Variants in DPYSL3 observed in about 807,000 individuals in gnomAD.
The protein encoded by DPYSL3 is dihydropyrimidinase like 3, also known as dihydropyrimidinase-related protein 3.
Under a neutral mutation model 66.1 loss-of-function variants are expected in DPYSL3, and 16 were observed. That is an observed-to-expected ratio of 0.24 (90% CI 0.16 to 0.37). DPYSL3 has a LOEUF of 0.37. Among genes scored for constraint, DPYSL3 ranks in the 10% least tolerant of loss-of-function variants. The probability of loss-of-function intolerance (pLI) is 1.00; values close to 1 mark genes in which losing one functional copy is unlikely to be tolerated. For synonymous variants in DPYSL3, 338 were observed against 345.1 expected (o/e 0.98, Z 0.23); for missense variants, 738 against 916.2 (o/e 0.81, Z 2.51).
intron 1 of DPYSL3, among the ~76,000 whole-genome samples, chr5:147,452,427 C>A (rs1357375787): frequency 6.6e-6 from 1 of 150,888 alleles, no homozygotes. Context: ...AGTAGCCACC[C>A]ATTCCCCCAC....
intron 1 of DPYSL3, among the ~76,000 whole-genome samples, chr5:147,483,494 A>G (rs1011882911): frequency 6.6e-6 from 1 of 152,198 alleles, no homozygotes; most frequent in Non-Finnish European, 1.5e-5. Context: ...GGGTCTGTAT[A>G]TGCCAGGCAC....
chr5:147,406,986 A>C (rs1209279855), intron 7 of DPYSL3, among the ~76,000 whole-genome samples: 1 of 152,136 alleles, frequency 6.6e-6, no homozygotes, highest in Non-Finnish European at 1.5e-5. Flanking sequence ...TCATATGTGA[A>C]TATGGACACC....
chr5:147,395,738 G>A lies in DPYSL3; in HGVS notation c.1804-17C>T. On this transcript the variant is annotated splice_polypyrimidine_tract_variant and intron_variant, in intron 12 of 13. Transcript: ENST00000343218. The stretch of plus-strand genomic sequence containing the variant: ...GTCTGCCATCTGCAGCCAGAGAAGA[G>A]CATGTCACCATTCATTCATTCAGCA... 6.2e-7 allele frequency: 1 copy of A among 1,612,968 alleles called. No homozygotes were observed. Among genetic ancestry groups the A allele is most frequent in the African/African-American group, 1.3e-5 (1 of 75,000 alleles).
chr5:147,469,174 C>T (rs1753050187), intron 1 of DPYSL3, among the ~76,000 whole-genome samples: 1 of 152,210 alleles, frequency 6.6e-6, no homozygotes, highest in South Asian at 2.1e-4. Flanking sequence ...CAGTAATTTT[C>T]CCCTTCTCCA....
intron 1 of DPYSL3, among the ~76,000 whole-genome samples, chr5:147,502,582 T>C (rs1783791642): frequency 6.9e-6 from 1 of 144,596 alleles, no homozygotes; most frequent in Non-Finnish European, 1.5e-5. Context: ...TTTTTTTTTT[T>C]TTTTTTTTTT....
chr5:147,418,829 A>G (rs1351194233), intron 2 of DPYSL3, among the ~76,000 whole-genome samples, 198 bp from the exon 3 acceptor site: 1 of 152,222 alleles, frequency 6.6e-6, no homozygotes, highest in Non-Finnish European at 1.5e-5. Context: ...ATAGTCACAG[A>G]ATGATCTGAT....
intron 1 of DPYSL3, among the ~76,000 whole-genome samples, chr5:147,485,199 A>G (rs187574323): frequency 6.6e-6 from 1 of 152,322 alleles, no homozygotes; most frequent in Admixed American, 6.5e-5. Flanking sequence ...TATTCCTCTT[A>G]CCACTGCTAA....
rs1024651599 is a variant in DPYSL3, at chr5:147,403,732, T to G, written c.1153+1878A>C. On this transcript the variant is annotated intron_variant, in intron 8 of 13. Coordinates refer to ENST00000343218, the MANE Select transcript of DPYSL3 (RefSeq NM_001197294.2). ...GAGGGAAGTGCAAACCCTGCTACAC[T>G]TTGTCTTGCAAAGAATGCTCTTGGG... is the stretch of plus-strand genomic sequence containing the variant. 1.1e-4 allele frequency among the ~76,000 whole-genome samples: 16 copies of G among 152,142 alleles called. 1 individual carries two copies. Among genetic ancestry groups the G allele is most frequent in the Admixed American group, 7.9e-4 (12 of 15,282 alleles).
chr5:147,396,351 A>T (rs1216798853), intron 12 of DPYSL3, among the ~76,000 whole-genome samples: 1 of 152,194 alleles, frequency 6.6e-6, no homozygotes, highest in Non-Finnish European at 1.5e-5. Context: ...GCCTTGTGCC[A>T]GGCACTAGGG....
At chr5:147,404,116 C>G (rs920256153) in intron 8 of DPYSL3, among the ~76,000 whole-genome samples, 1 of 152,146 alleles carries the variant, frequency 6.6e-6, no homozygotes, top group Non-Finnish European at 1.5e-5. Context: ...CACACTTCTT[C>G]TTTTTCTTTT....
At chr5:147,414,217 C>A (rs1240324317) in intron 4 of DPYSL3, among the ~76,000 whole-genome samples, 2 of 152,206 alleles carry the variant, frequency 1.3e-5, no homozygotes, top group Admixed American at 6.5e-5. Flanking sequence ...ATTAATGGAT[C>A]TCCTGGGATC....
Position 147,509,798 on chromosome 5 carries a change from C to T in DPYSL3, c.61G>A (p.Ala21Thr). ...ACCTGGTCCGTGGTGCCCGGCCTGGCCAGGTACACGGGCAGATCGTCTTCG... is the reference window on the plus strand; with the variant it reads ...ACCTGGTCCGTGGTGCCCGGCCTGGTCAGGTACACGGGCAGATCGTCTTCG... ...SHEDDLPVYL[A>T]RPGTTDQVPR... Residue 21 changes from alanine to threonine, a missense_variant, in exon 1 of 14, where the codon GCC becomes ACC. Coordinates refer to ENST00000343218, the MANE Select transcript of DPYSL3 (RefSeq NM_001197294.2). This position sits in a 1 kb window ranked among gnomAD's most constrained non-coding sequence, Gnocchi z 5.3. 2 of 1,535,968 alleles carry T rather than the reference C, an allele frequency of 1.3e-6. No individual in the cohort carries two copies. Among genetic ancestry groups the T allele is most frequent in the Non-Finnish European group, 8.7e-7 (1 of 1,146,780 alleles).
At chr5:147,465,323 G>A (rs565124327) in intron 1 of DPYSL3, among the ~76,000 whole-genome samples, 24 of 151,440 alleles carry the variant, frequency 1.6e-4, no homozygotes, top group Non-Finnish European at 3.2e-4. Flanking sequence ...TTTTTTTGAC[G>A]GAGCCTCGCA....
intron 1 of DPYSL3, among the ~76,000 whole-genome samples, chr5:147,436,539 T>C (rs1752417624): frequency 6.6e-6 from 1 of 152,050 alleles, no homozygotes; most frequent in Admixed American, 6.6e-5. Flanking sequence ...CAGAGAGAGG[T>C]TGTAGGGGTC....
intron 1 of DPYSL3, among the ~76,000 whole-genome samples, chr5:147,506,266 T>A (rs1447779783): frequency 6.6e-6 from 1 of 152,086 alleles, no homozygotes; most frequent in Non-Finnish European, 1.5e-5. Flanking sequence ...ATAGTTAAGA[T>A]TTTTTTGGGG....
intron 1 of DPYSL3, among the ~76,000 whole-genome samples, chr5:147,446,698 C>G (rs146556293): frequency 8.7e-4 from 132 of 152,372 alleles, no homozygotes; most frequent in African/African-American, 3.1e-3. Context: ...AAAACAGCAT[C>G]TGCTTTTCCA....
rs553432971 is a variant in DPYSL3 at position 147,499,090 on chromosome 5, AT to A, written c.381+10387del. Among the ~76,000 whole-genome samples the A allele has an allele frequency of 9.9e-5, 15 of 152,148 alleles. No individual in the cohort carries two copies. In the East Asian group the frequency reaches 2.7e-3, roughly 27 times the overall value. The stretch of plus-strand genomic sequence containing the variant: ...TCACTCTTTAATCCATCTTGAGGTA[AT>A]TTTTTTATATGGTGCACCACTGCTT... On this transcript the variant is annotated intron_variant, in intron 1 of 13. Coordinates refer to ENST00000343218, the MANE Select transcript of DPYSL3 (RefSeq NM_001197294.2).
intron 1 of DPYSL3, among the ~76,000 whole-genome samples, chr5:147,440,815 T>C (rs1176222957): frequency 6.6e-6 from 1 of 152,220 alleles, no homozygotes; most frequent in Non-Finnish European, 1.5e-5. Flanking sequence ...CTAAGCAGCT[T>C]ACATTAACCT....
At chr5:147,505,342 C>G (rs1482080818) in intron 1 of DPYSL3, among the ~76,000 whole-genome samples, 1 of 151,590 alleles carries the variant, frequency 6.6e-6, no homozygotes, top group Non-Finnish European at 1.5e-5. Context: ...TCAAGCGATT[C>G]TCCTGCCTCA....
Sources: gnomAD v4.1 joint callset for allele counts (sites outside exome capture counted in the v4.1 genomes callset) on GRCh38, gnomAD v4.1.1 for gene constraint, Gnocchi (gnomAD v3.1) non-coding constraint, MANE v1.5 for transcripts, NCBI Gene and HGNC (gene_info 2026-07-23, HGNC 2026-07-21) for gene names.